The following ADAMTSL1 variants were observed in gnomAD, a reference collection of about 807,000 sequenced individuals.
ADAMTSL1 encodes ADAMTS-like protein 1.
ADAMTSL1 carries 126 observed loss-of-function variants against 201.8 expected under a neutral mutation model. The ratio of observed to expected loss-of-function variants is 0.62; its 90% CI spans 0.54 to 0.72. The LOEUF is 0.72. Among genes scored for constraint, ADAMTSL1 ranks in the 30% least tolerant of loss-of-function variants. ADAMTSL1 has a pLI of 0.00. For synonymous variants in ADAMTSL1, 1,121 were observed against 903.4 expected, an observed-to-expected ratio of 1.24 and a Z score of -4.32; for missense variants, 2,679 against 2,277.8, an observed-to-expected ratio of 1.18 and a Z score of -3.59.
chr9:18,234,490 A>C (rs1474598735), intron 2 of ADAMTSL1, among the ~76,000 whole-genome samples: 1 of 152,156 alleles, frequency 6.6e-6, no homozygotes, highest in Admixed American at 6.5e-5. Flanking sequence ...GTACCTGTTT[A>C]ATAGACAAAG....
chr9:18,682,886 T>C (rs1263795308), intron 12 of ADAMTSL1, among the ~76,000 whole-genome samples: 1 of 152,158 alleles, frequency 6.6e-6, no homozygotes, highest in African/African-American at 2.4e-5. Flanking sequence ...TAAATGCATC[T>C]CTCTCGAAGC....
chr9:18,898,619 C>G (rs1829810890), intron 26 of ADAMTSL1, among the ~76,000 whole-genome samples: 1 of 152,192 alleles, frequency 6.6e-6, no homozygotes, highest in Admixed American at 6.5e-5. Context: ...GCTTATCCAC[C>G]ATGATCAAGT....
intron 2 of ADAMTSL1, among the ~76,000 whole-genome samples, chr9:18,260,563 C>A (rs746862706): frequency 2.0e-5 from 3 of 152,210 alleles, no homozygotes; most frequent in Admixed American, 2.0e-4. Context: ...ATTGGCCATC[C>A]CAACCTGAGG....
At chr9:18,551,771 C>T (rs1587538458) in intron 3 of ADAMTSL1, among the ~76,000 whole-genome samples, 1 of 151,756 alleles carries the variant, frequency 6.6e-6, no homozygotes, top group Admixed American at 6.6e-5. Context: ...CAGTGCCTGT[C>T]ACATAATAAT....
chr9:18,348,654 C>T (rs1023586501), intron 2 of ADAMTSL1, among the ~76,000 whole-genome samples: 2 of 152,152 alleles, frequency 1.3e-5, no homozygotes, highest in Non-Finnish European at 2.9e-5. Flanking sequence ...CCTTTTTACA[C>T]ATGAAGTAAG....
intron 2 of ADAMTSL1, among the ~76,000 whole-genome samples, chr9:18,428,628 C>T (rs1004258652): frequency 6.6e-6 from 1 of 151,784 alleles, no homozygotes; most frequent in East Asian, 1.9e-4. Context: ...AAACAAAAAA[C>T]AAGAAAAACA....
At chr9:18,160,520 A>C (rs1307469719) in intron 1 of ADAMTSL1, among the ~76,000 whole-genome samples, 1 of 152,066 alleles carries the variant, frequency 6.6e-6, no homozygotes, top group Non-Finnish European at 1.5e-5. Flanking sequence ...AGGGATGCCA[A>C]CTTTAATGCA....
intron 2 of ADAMTSL1, among the ~76,000 whole-genome samples, chr9:18,290,892 C>T (rs1316907560): frequency 6.6e-6 from 1 of 151,904 alleles, no homozygotes; most frequent in Non-Finnish European, 1.5e-5. Context: ...CGCCATTCTC[C>T]TGCCTCAGCC....
chr9:18,257,988 T>C (rs549473536), intron 2 of ADAMTSL1, among the ~76,000 whole-genome samples: 85 of 152,202 alleles, frequency 5.6e-4, no homozygotes, highest in Non-Finnish European at 8.7e-4. Flanking sequence ...TATTGTTTCC[T>C]GGGTACAGAA....
chr9:18,307,586 A>G (rs191097282), intron 2 of ADAMTSL1, among the ~76,000 whole-genome samples: 14 of 152,286 alleles, frequency 9.2e-5, no homozygotes, highest in Admixed American at 8.5e-4. Context: ...AAAAGATCAA[A>G]AAAGGCTAAG....
chr9:18,478,323 C>T (rs934962812), intron 1 of ADAMTSL1, among the ~76,000 whole-genome samples: 1 of 152,034 alleles, frequency 6.6e-6, no homozygotes, highest in African/African-American at 2.4e-5. Context: ...TGTTTTGGTT[C>T]TCCCCTTTAT....
intron 2 of ADAMTSL1, among the ~76,000 whole-genome samples, chr9:18,364,267 C>T (rs1836664021): frequency 6.6e-6 from 1 of 152,096 alleles, no homozygotes; most frequent in African/African-American, 2.4e-5. Flanking sequence ...AACCACCTGG[C>T]AGAGGAACAT....
At chr9:18,859,956 T>C (rs967096423) in intron 23 of ADAMTSL1, among the ~76,000 whole-genome samples, 1 of 152,216 alleles carries the variant, frequency 6.6e-6, no homozygotes, top group Non-Finnish European at 1.5e-5. Flanking sequence ...AAGAATGAGG[T>C]AGACTTACAT....
chr9:18,623,120 T>C (rs1826135955), intron 5 of ADAMTSL1, among the ~76,000 whole-genome samples: 2 of 152,064 alleles, frequency 1.3e-5, no homozygotes, highest in South Asian at 4.1e-4. Flanking sequence ...GGTCTTGAAC[T>C]CCTGACCTCA....
At chr9:18,225,148 T>C (rs753581745) in intron 2 of ADAMTSL1, among the ~76,000 whole-genome samples, 36 of 152,296 alleles carry the variant, frequency 2.4e-4, no homozygotes, top group African/African-American at 6.0e-4. Context: ...ATATGGACTT[T>C]GTGATATTTT....
intron 2 of ADAMTSL1, among the ~76,000 whole-genome samples, chr9:18,381,271 ATCAGTAGG>A (rs1257092157): frequency 3.9e-5 from 6 of 152,318 alleles, no homozygotes; most frequent in African/African-American, 1.4e-4. Flanking sequence ...GCTGTCAAAA[ATCAGTAGG>A]TCTTTGTGTT....
Position 18,249,540 on chromosome 9 carries a change from G to C in ADAMTSL1, c.207+85559G>C, listed in dbSNP as rs10963537. On this transcript the variant is annotated intron_variant, in intron 2 of 29. Transcript: ENST00000680146. ...CTTACTATTTACCATATTTGCGTTA[G>C]GTTCTTTTTTTAGTAGATCAAGACA... Among the ~76,000 whole-genome samples the C allele has an allele frequency of 4.8e-3, 730 of 152,224 alleles. 5 individuals are homozygous for C. Among genetic ancestry groups the C allele is most frequent in the Non-Finnish European group, 8.4e-3 (569 of 67,996 alleles).
intron 14 of ADAMTSL1, among the ~76,000 whole-genome samples, chr9:18,717,201 A>G (rs1833002803): frequency 1.3e-5 from 2 of 150,304 alleles, no homozygotes; most frequent in Admixed American, 1.3e-4. Flanking sequence ...TAACCTGCAC[A>G]TTGTGCACAT....
At chr9:18,497,483 A>G (rs1320399457) in intron 1 of ADAMTSL1, among the ~76,000 whole-genome samples, 1 of 152,212 alleles carries the variant, frequency 6.6e-6, no homozygotes, top group Non-Finnish European at 1.5e-5. Flanking sequence ...TTTCTAGTAG[A>G]AAATCTCCTT....
Sources: allele counts gnomAD v4.1 joint callset (sites outside exome capture counted in the v4.1 genomes callset), GRCh38; gene constraint gnomAD v4.1.1; transcripts MANE v1.5; gene names NCBI Gene and HGNC (gene_info 2026-07-23, HGNC 2026-07-21).